Variants in GMPPA observed in about 807,000 individuals in gnomAD.
The protein encoded by GMPPA is mannose-1-phosphate guanylyltransferase regulatory subunit alpha.
In GMPPA, 46 loss-of-function variants were observed where a neutral mutation model predicts 58.6. That is an observed-to-expected ratio of 0.78 (90% CI 0.62 to 1.00). The LOEUF (loss-of-function observed/expected upper bound fraction) is 1.00, where lower values mean the gene tolerates loss of function less well. Ranked by LOEUF, GMPPA falls within the 50% of genes least tolerant of loss-of-function variation. The pLI is 0.00. For missense variants in GMPPA, 468 were observed against 556.4 expected (o/e 0.84, Z 1.60); for synonymous variants, 211 against 214.9 (o/e 0.98, Z 0.16).
At position 219,500,226 on chromosome 2, in the gene GMPPA, C is replaced by T. The variant is rs757048135; in HGVS notation, c.138+8C>T. 1.5e-5 allele frequency: 22 copies of T among 1,468,596 alleles called. No homozygotes were observed. The highest frequency in any genetic ancestry group is 2.1e-5 in the Non-Finnish European group (22 of 1,066,038). The allele number at this position is 1,468,596 out of a possible 1,614,324, so 91.0% of individuals were successfully genotyped here. A position where few individuals can be genotyped will look rare whatever the true frequency, so the allele number is the denominator to read the frequency against. ...ATTGAAGCCTGTGCCCAGGTAACCT[C>T]AGGGGCTCCCCTCTCTCACCTCACT... On this transcript the variant is annotated splice_region_variant and intron_variant, in intron 3 of 12. Transcript: ENST00000313597.
intron 1 of GMPPA, among the ~76,000 whole-genome samples, chr2:219,499,603 G>A (rs1306112454): frequency 6.6e-6 from 1 of 152,192 alleles, no homozygotes; most frequent in Admixed American, 6.5e-5. Flanking sequence ...TCAGAATTTG[G>A]GAGGAATCAC....
chr2:219,503,946 G>A (rs1236545130), intron 6 of GMPPA, 137 bp from the exon 7 acceptor site: 2 of 844,216 alleles, frequency 2.4e-6, no homozygotes, highest in African/African-American at 1.7e-5. Flanking sequence ...GCAGTAGGAT[G>A]CGGATGCGCA....
intron 10 of GMPPA, 39 bp from the exon 11 acceptor site, chr2:219,505,941 A>G: frequency 1.4e-6 from 2 of 1,404,662 alleles, no homozygotes; most frequent in Non-Finnish European, 1.9e-6. Context: ...GGATCCTCCA[A>G]GTCCCTCCAG....
intron 12 of GMPPA, 69 bp downstream of exon 12, chr2:219,506,491 C>A: frequency 6.8e-7 from 1 of 1,461,146 alleles, no homozygotes; most frequent in Non-Finnish European, 9.4e-7. Flanking sequence ...GGGGAGCATT[C>A]GTTCCTCTGT....
In GMPPA at chr2:219,498,934, T is replaced by G. The variant is rs180718165; in HGVS notation, c.-25T>G. The stretch of plus-strand genomic sequence containing the variant: ...GCGGCAGAGCTGGAGTGAAGGGAGC[T>G]AGTGGTAAAGGGAGCTGGTGGAGGG... On this transcript the variant is annotated 5_prime_UTR_variant, in exon 1 of 13. Transcript: ENST00000313597. 6.6e-6 allele frequency: 1 copy of G among 152,238 alleles called. No homozygotes were observed. The highest frequency in any genetic ancestry group is 2.4e-5 in the African/African-American group (1 of 41,520). 9.4% of individuals were successfully genotyped at this position (152,238 alleles called of 1,614,324 possible). A position where few individuals can be genotyped will look rare whatever the true frequency, so the allele number is the denominator to read the frequency against.
At position 219,505,920 on chromosome 2, in the gene GMPPA, G is replaced by T. The variant is rs537865118; in HGVS notation, c.901-60G>T. ...TATGCCTTATCTGTTCTAGAAGGGA[G>T]TTGGGTTTGGGGATCCTCCAAGTCC... is the stretch of plus-strand genomic sequence containing the variant. On this transcript the variant is annotated intron_variant, in intron 10 of 12. Coordinates refer to ENST00000313597, the MANE Select transcript of GMPPA (RefSeq NM_013335.4). The T allele has an allele frequency of 1.3e-3, 1,596 of 1,256,626 alleles. 5 individuals carry two copies. The highest frequency in any genetic ancestry group is 4.5e-3 in the South Asian group (326 of 72,382). 77.8% of individuals were successfully genotyped at this position (1,256,626 alleles called of 1,614,324 possible). A position where few individuals can be genotyped will look rare whatever the true frequency, so the allele number is the denominator to read the frequency against.
Position 219,501,841 on chromosome 2 carries a change from C to T in GMPPA, c.243-10C>T. On this transcript the variant is annotated splice_polypyrimidine_tract_variant and intron_variant, in intron 4 of 12. Coordinates refer to ENST00000313597, the MANE Select transcript of GMPPA (RefSeq NM_013335.4). ...ATCCACTGAGCTGGCTCTCGGGTCC[C>T]TGGGGACAGGTACCTGCAGGAATTT... The T allele has an allele frequency of 6.2e-7, 1 of 1,613,356 alleles. No individual in the cohort carries two copies. Among genetic ancestry groups the T allele is most frequent in the Non-Finnish European group, 8.5e-7 (1 of 1,179,376 alleles).
chr2:219,502,371 C>T lies in GMPPA; in HGVS notation c.430-11C>T. The T allele has an allele frequency of 6.2e-7, 1 of 1,613,130 alleles. No homozygotes were observed. Among genetic ancestry groups the T allele is most frequent in the South Asian group, 1.1e-5 (1 of 91,038 alleles). On this transcript the variant is annotated splice_polypyrimidine_tract_variant and intron_variant, in intron 5 of 12. Coordinates refer to ENST00000313597, the MANE Select transcript of GMPPA (RefSeq NM_013335.4). This position sits in a 1 kb window ranked among gnomAD's most constrained non-coding sequence, Gnocchi z 4.0. ...AGGCGGGTCACTGTCTCGGGTGTGT[C>T]TGTCTTTCAGGCTAACAGGACGCAA...
intron 3 of GMPPA, 48 bp from the exon 4 acceptor site, chr2:219,501,428 C>A (rs746374314): frequency 1.8e-6 from 2 of 1,119,868 alleles, no homozygotes; most frequent in East Asian, 2.4e-5. Flanking sequence ...TCCCCAACAT[C>A]CCCTCCTATT....
Position 219,506,966 on chromosome 2 carries a change from C to A in GMPPA, c.*168C>A. 1 of 611,356 alleles carries A rather than the reference C, an allele frequency of 1.6e-6. No individual in the cohort carries two copies. Among genetic ancestry groups the A allele is most frequent in the Non-Finnish European group, 2.9e-6 (1 of 341,436 alleles). The allele number at this position is 611,356 out of a possible 1,614,324, so 37.9% of individuals were successfully genotyped here. A position where few individuals can be genotyped will look rare whatever the true frequency, so the allele number is the denominator to read the frequency against. On this transcript the variant is annotated 3_prime_UTR_variant, in exon 13 of 13. Coordinates refer to ENST00000313597, the MANE Select transcript of GMPPA (RefSeq NM_013335.4). ...CCTGGGTTTTCTCCCTCCCGACTCC[C>A]TAATAAACCCCGTGAACCTTGGAGC...
intron 9 of GMPPA, 40 bp from the exon 10 acceptor site, chr2:219,505,675 T>C (rs1694559203): frequency 3.7e-6 from 6 of 1,610,248 alleles, no homozygotes; most frequent in Non-Finnish European, 5.1e-6. Context: ...TCAAATTCGG[T>C]TTGGGATATT....
At position 219,505,560 on chromosome 2, in the gene GMPPA, C is replaced by G. The variant is rs2125640752; in HGVS notation, c.853+5C>G. On this transcript the variant is annotated splice_donor_5th_base_variant and intron_variant, in intron 9 of 12. Transcript: ENST00000313597. ...CAGGGGGCCCATGGATCCGAGGTAC[C>G]CAGCCTGCCCCAATTCCTAACCTTT... 1.3e-6 allele frequency: 2 copies of G among 1,565,968 alleles called. No homozygotes were observed. Among genetic ancestry groups the G allele is most frequent in the Non-Finnish European group, 1.7e-6 (2 of 1,154,396 alleles).
chr2:219,505,816 G>T, intron 10 of GMPPA, 55 bp downstream of exon 10: 1 of 1,417,028 alleles, frequency 7.1e-7, no homozygotes, highest in Non-Finnish European at 9.8e-7. Context: ...ATGGATGGAG[G>T]GTGCCCACGC....
chr2:219,501,271 AAAAC>A (rs1164013575), intron 3 of GMPPA: 9 of 568,968 alleles, frequency 1.6e-5, no homozygotes, highest in South Asian at 1.5e-4. Context: ...TCACAAAAAT[AAAAC>A]AAAACGAAAA....
chr2:219,506,513 TTTC>T, intron 12 of GMPPA, 91 bp downstream of exon 12: 1 of 1,312,128 alleles, frequency 7.6e-7, no homozygotes, highest in Admixed American at 2.0e-5. Flanking sequence ...TGCACGCGTG[TTTC>T]TTCTTTTAGC....
chr2:219,505,378 TC>T lies in GMPPA; in HGVS notation c.755+20del. ...AGTCCGCAGGGTATGGAAGGCTGGG[TC>T]CCCTGGGGATTGAAATTTTGGGGTG... is the stretch of plus-strand genomic sequence containing the variant. On this transcript the variant is annotated intron_variant, in intron 8 of 12. Transcript: ENST00000313597. 1 of 1,612,684 alleles carries T rather than the reference TC, an allele frequency of 6.2e-7. No individual in the cohort carries two copies. Among genetic ancestry groups the T allele is most frequent in the Non-Finnish European group, 8.5e-7 (1 of 1,179,364 alleles).
chr2:219,506,644 C>A, intron 12 of GMPPA, 54 bp from the exon 13 acceptor site: 1 of 1,111,828 alleles, frequency 9.0e-7, no homozygotes, highest in South Asian at 1.3e-5. Context: ...CCCCAGCTCC[C>A]TGCCCCTGTC....
At position 219,501,511 on chromosome 2, in the gene GMPPA, C is replaced by G; in HGVS notation, c.174C>G (p.Phe58Leu). The G allele has an allele frequency of 6.2e-7, 1 of 1,612,660 alleles. No homozygotes were observed. Among genetic ancestry groups the G allele is most frequent in the Non-Finnish European group, 8.5e-7 (1 of 1,178,632 alleles). Reference protein sequence around the residue: ...PGMQEILLIGFYQPDEPLTQF... With the variant: ...PGMQEILLIGLYQPDEPLTQF... The stretch of plus-strand genomic sequence containing the variant: ...TGCAGGAGATTCTGCTCATTGGCTT[C>G]TACCAACCTGATGAGCCCCTCACCC... The change falls in exon 4 of 13, where the codon TTC becomes TTG. Residue 58 changes from phenylalanine to leucine, a missense_variant. Phe to Leu is a conservative substitution (Grantham distance 22). Transcript: ENST00000313597.
chr2:219,504,243 C>G, intron 7 of GMPPA, 30 bp downstream of exon 7: 1 of 1,608,666 alleles, frequency 6.2e-7, no homozygotes, highest in South Asian at 1.1e-5. Flanking sequence ...CCTGTGACCC[C>G]AAGTACCCCC....
Sources: gnomAD v4.1 joint callset for allele counts (sites outside exome capture counted in the v4.1 genomes callset) on GRCh38, gnomAD v4.1.1 for gene constraint, Gnocchi (gnomAD v3.1) non-coding constraint, MANE v1.5 for transcripts, NCBI Gene and HGNC (gene_info 2026-07-23, HGNC 2026-07-21) for gene names.